The following ILKAP variants were observed in gnomAD, a reference collection of about 807,000 sequenced individuals.
ILKAP encodes ILK associated serine/threonine phosphatase, also known as integrin-linked kinase-associated serine/threonine phosphatase 2C.
A neutral mutation model predicts 49.1 loss-of-function variants in ILKAP; 11 were observed. That is an observed-to-expected ratio of 0.22 (90% CI 0.14 to 0.37). The LOEUF (loss-of-function observed/expected upper bound fraction) is 0.37, where lower values mean the gene tolerates loss of function less well. ILKAP is among the 10% of genes least tolerant of loss of function. The pLI is 1.00. For synonymous variants in ILKAP, 186 were observed against 192.8 expected (o/e 0.96, Z 0.29); for missense variants, 363 against 510.8 (o/e 0.71, Z 2.79).
At chr2:238,190,812 C>G (rs1264491301) in intron 3 of ILKAP, among the ~76,000 whole-genome samples, 1 of 135,374 alleles carries the variant, frequency 7.4e-6, no homozygotes, top group Non-Finnish European at 1.5e-5. Flanking sequence ...GAGACTGAGG[C>G]AGAAGGATCA....
Position 238,182,751 on chromosome 2 carries a change from T to C in ILKAP, c.715-565A>G, listed in dbSNP as rs574904974. Among the ~76,000 whole-genome samples, 20 of 152,314 alleles carry C rather than the reference T, an allele frequency of 1.3e-4. No homozygotes were observed. The South Asian group carries it at 1.4e-3, about 11-fold the overall frequency. ...AGGATTCAAATTTGGGTCTGACTCCTGTCTTTGTTTTTTTGCCAATTTTCC... is the reference window on the plus strand; with the variant it reads ...AGGATTCAAATTTGGGTCTGACTCCCGTCTTTGTTTTTTTGCCAATTTTCC... On this transcript the variant is annotated intron_variant, in intron 8 of 11. Coordinates refer to ENST00000254654, the MANE Select transcript of ILKAP (RefSeq NM_030768.3).
At chr2:238,175,774 G>A (rs766540265) in intron 9 of ILKAP, among the ~76,000 whole-genome samples, 19 of 152,170 alleles carry the variant, frequency 1.2e-4, no homozygotes, top group South Asian at 6.2e-4. Flanking sequence ...CCATTTCACC[G>A]GAACTCTTTT....
chr2:238,178,557 T>A (rs11677736), intron 9 of ILKAP, among the ~76,000 whole-genome samples: 26,185 of 152,124 alleles, frequency 0.17, 2,543 homozygotes, highest in East Asian at 0.36. Flanking sequence ...AACCAAGATT[T>A]CTAGCATTAA....
intron 10 of ILKAP, among the ~76,000 whole-genome samples, 182 bp from the exon 11 acceptor site, chr2:238,171,206 C>T (rs1226981066): frequency 1.4e-5 from 2 of 144,082 alleles, no homozygotes; most frequent in East Asian, 4.0e-4. Context: ...GTTGCCCAGG[C>T]TGGAGTGCAA....
chr2:238,189,120 C>T (rs1007614292), intron 4 of ILKAP, among the ~76,000 whole-genome samples: 1 of 152,076 alleles, frequency 6.6e-6, no homozygotes, highest in Non-Finnish European at 1.5e-5. Flanking sequence ...AGATCGAGAG[C>T]ATCCTGGCTA....
intron 3 of ILKAP, among the ~76,000 whole-genome samples, chr2:238,190,628 T>A (rs1311846748): frequency 6.6e-6 from 1 of 152,202 alleles, no homozygotes; most frequent in African/African-American, 2.4e-5. Context: ...GAGGGATGTT[T>A]GAAAATGGGT....
intron 9 of ILKAP, among the ~76,000 whole-genome samples, chr2:238,177,785 T>A (rs1693524894): frequency 1.3e-5 from 2 of 152,216 alleles, no homozygotes. Context: ...TGAACACAGG[T>A]ATGCAAATAT....
chr2:238,180,217 T>G (rs1240644223), intron 9 of ILKAP, among the ~76,000 whole-genome samples: 4 of 148,158 alleles, frequency 2.7e-5, no homozygotes, highest in Non-Finnish European at 6.0e-5. Flanking sequence ...AAATGCCAAG[T>G]CCACGGCAGA....
Position 238,203,588 on chromosome 2 carries a change from ACACT to A in ILKAP, c.-39_-36del. Reference sequence around the variant, plus strand: ...TGGGTGGAGGCGGCAGCAGCGACAGACACTCAGCCCGCGAGCAGCGGCCGGGCTC... The same window carrying A: ...TGGGTGGAGGCGGCAGCAGCGACAGACAGCCCGCGAGCAGCGGCCGGGCTC... On this transcript the variant is annotated 5_prime_UTR_variant, in exon 1 of 12. Transcript: ENST00000254654. The A allele has an allele frequency of 1.8e-6, 2 of 1,130,656 alleles. No individual in the cohort carries two copies. Among genetic ancestry groups the A allele is most frequent in the Non-Finnish European group, 2.2e-6 (2 of 919,154 alleles). 70.0% of individuals were successfully genotyped at this position (1,130,656 alleles called of 1,614,324 possible).
rs762482133 is a variant in ILKAP at position 238,188,204 on chromosome 2, T to A, written c.352A>T (p.Arg118Trp). 9.9e-5 allele frequency: 159 copies of A among 1,613,800 alleles called. No homozygotes were observed. The highest frequency in any genetic ancestry group is 1.0e-5 in the Non-Finnish European group (12 of 1,179,968). ...KGYVAERKGE[R>W]EEMQDAHVIL... Reference sequence around the variant, plus strand: ...ACGTGGGCATCCTGCATCTCCTCCCTCTCACCCTTCCGCTCAGCCACATAG... The same window carrying A: ...ACGTGGGCATCCTGCATCTCCTCCCACTCACCCTTCCGCTCAGCCACATAG... Residue 118 changes from arginine to tryptophan, a missense_variant, in exon 5 of 12, where the codon AGG becomes TGG. Around this residue, in one of 3 missense-constraint regions of ILKAP, gnomAD observed 166 missense variants for 307.3 expected, o/e 0.54. Transcript: ENST00000254654.
Position 238,194,320 on chromosome 2 carries a change from G to C in ILKAP, c.133C>G (p.Pro45Ala), listed in dbSNP as rs773508467. The C allele has an allele frequency of 1.2e-6, 2 of 1,613,894 alleles. No homozygotes were observed. The highest frequency in any genetic ancestry group is 1.7e-6 in the Non-Finnish European group (2 of 1,179,968). ...GGTGGGAGATCATCAAAAAGCAAAG[G>C]TCCCCCTGATCCTGAAACACAGCAG... The part of the protein sequence containing the change: ...ASSTDSGSGG[P>A]LLFDDLPPAS... The change falls in exon 3 of 12, where the codon CCT becomes GCT. Residue 45 changes from proline to alanine, a missense_variant. Physicochemically the swap from Pro to Ala is conservative, Grantham distance 27. This residue lies in a region of ILKAP where 114 missense variants were observed against 116.0 expected (regional missense o/e 0.98). Transcript: ENST00000254654.
chr2:238,183,396 A>G (rs1482043604), intron 8 of ILKAP, among the ~76,000 whole-genome samples: 3 of 152,206 alleles, frequency 2.0e-5, no homozygotes, highest in Admixed American at 6.5e-5. Context: ...AGGAAAAAAG[A>G]AACAAAAAAG....
At chr2:238,183,817 G>T in intron 7 of ILKAP, 77 bp from the exon 8 acceptor site, 4 of 1,117,042 alleles carry the variant, frequency 3.6e-6, no homozygotes, top group Non-Finnish European at 5.3e-6. Flanking sequence ...AGCTCAATGG[G>T]AAGTATCTTA....
At chr2:238,188,383 A>C in intron 4 of ILKAP, 126 bp from the exon 5 acceptor site, 1 of 1,133,536 alleles carries the variant, frequency 8.8e-7, no homozygotes, top group Non-Finnish European at 1.2e-6. Flanking sequence ...GCGCAAACAA[A>C]TAAGCAATAC....
chr2:238,178,707 A>C (rs1166564517), intron 9 of ILKAP, among the ~76,000 whole-genome samples: 1 of 152,242 alleles, frequency 6.6e-6, no homozygotes, highest in East Asian at 1.9e-4. Flanking sequence ...ACATAGAACT[A>C]ATGACACTCC....
chr2:238,194,019 G>A (rs970056962), intron 3 of ILKAP, among the ~76,000 whole-genome samples: 4 of 152,200 alleles, frequency 2.6e-5, no homozygotes, highest in African/African-American at 9.7e-5. Context: ...AAAGTTAAGA[G>A]TAAATTAGTG....
intron 9 of ILKAP, among the ~76,000 whole-genome samples, chr2:238,177,765 A>G (rs939448933): frequency 3.3e-5 from 5 of 152,146 alleles, no homozygotes; most frequent in African/African-American, 9.7e-5. Flanking sequence ...CATGGTGAAT[A>G]ATGCTGCTGT....
intron 3 of ILKAP, among the ~76,000 whole-genome samples, chr2:238,191,794 A>C (rs1254078609): frequency 6.6e-6 from 1 of 151,780 alleles, no homozygotes; most frequent in East Asian, 1.9e-4. Context: ...AATCCCAGCT[A>C]CTCGGGAGGC....
chr2:238,172,819 G>A (rs962638373), intron 10 of ILKAP, among the ~76,000 whole-genome samples: 8 of 152,112 alleles, frequency 5.3e-5, no homozygotes, highest in Middle Eastern at 3.2e-3. Context: ...TCCTGCTTCC[G>A]GGAGCTTTCC....
Sources: allele counts gnomAD v4.1 joint callset (sites outside exome capture counted in the v4.1 genomes callset), GRCh38; gene constraint gnomAD v4.1.1; regional missense constraint gnomAD v4.1.1; transcripts MANE v1.5; gene names NCBI Gene and HGNC (gene_info 2026-07-23, HGNC 2026-07-21).